The following SPOCK3 variants were observed in gnomAD, a reference collection of about 807,000 sequenced individuals.
The protein encoded by SPOCK3 is SPARC (osteonectin), cwcv and kazal like domains proteoglycan 3.
SPOCK3 carries 30 observed loss-of-function variants against 56.6 expected under a neutral mutation model. The ratio of observed to expected loss-of-function variants is 0.53; its 90% CI spans 0.40 to 0.72. SPOCK3 has a LOEUF of 0.72. SPOCK3 is among the 30% of genes least tolerant of loss of function. The pLI is 0.00. For missense variants in SPOCK3, 527 were observed against 530.0 expected (o/e 0.99, Z 0.06); for synonymous variants, 196 against 183.3 (o/e 1.07, Z -0.56).
chr4:166,808,116 T>G (rs1039016083), intron 6 of SPOCK3, among the ~76,000 whole-genome samples: 2 of 152,178 alleles, frequency 1.3e-5, no homozygotes, highest in Non-Finnish European at 2.9e-5. Flanking sequence ...ATTCCTCTAG[T>G]AGGAGCAAGT....
chr4:167,115,800 C>G (rs1422362175), intron 2 of SPOCK3, among the ~76,000 whole-genome samples: 1 of 151,930 alleles, frequency 6.6e-6, no homozygotes, highest in Non-Finnish European at 1.5e-5. Flanking sequence ...TTGTTAATAA[C>G]AGAAGTTAAT....
chr4:166,753,630 G>A (rs1259489472), intron 8 of SPOCK3, among the ~76,000 whole-genome samples: 1 of 151,908 alleles, frequency 6.6e-6, no homozygotes, highest in Non-Finnish European at 1.5e-5. Flanking sequence ...ATCGAAGACT[G>A]GTAATCATTG....
At chr4:167,021,883 A>G (rs1478001778) in intron 3 of SPOCK3, among the ~76,000 whole-genome samples, 4 of 152,048 alleles carry the variant, frequency 2.6e-5, no homozygotes, top group Non-Finnish European at 4.4e-5. Context: ...CATTTTAACT[A>G]AAGGTTTTTG....
chr4:167,011,718 TGGC>T (rs1236528180), intron 3 of SPOCK3, among the ~76,000 whole-genome samples: 49 of 152,094 alleles, frequency 3.2e-4, no homozygotes, highest in African/African-American at 1.1e-3. Context: ...TCAGCAAATG[TGGC>T]TTTCTAACAA....
chr4:166,844,942 C>T (rs577788352), intron 6 of SPOCK3, among the ~76,000 whole-genome samples: 21 of 152,218 alleles, frequency 1.4e-4, no homozygotes, highest in African/African-American at 3.9e-4. Flanking sequence ...CTTACCTGTC[C>T]GTGGTTTTTT....
At chr4:166,767,025 G>C (rs1011502157) in intron 7 of SPOCK3, among the ~76,000 whole-genome samples, 3 of 152,048 alleles carry the variant, frequency 2.0e-5, no homozygotes, top group Non-Finnish European at 4.4e-5. Context: ...CTGTGGGATC[G>C]GTGGTGATAT....
At chr4:166,896,470 A>G (rs963974013) in intron 5 of SPOCK3, among the ~76,000 whole-genome samples, 3 of 152,160 alleles carry the variant, frequency 2.0e-5, no homozygotes, top group African/African-American at 7.2e-5. Flanking sequence ...ACCGAGGTGC[A>G]TGCTTAAGCA....
At chr4:167,096,387 T>C (rs1300305375) in intron 2 of SPOCK3, among the ~76,000 whole-genome samples, 1 of 151,958 alleles carries the variant, frequency 6.6e-6, no homozygotes, top group Non-Finnish European at 1.5e-5. Flanking sequence ...ACATAGATAT[T>C]CAGCATGATC....
intron 2 of SPOCK3, among the ~76,000 whole-genome samples, chr4:167,173,134 C>T (rs1421056660): frequency 6.6e-6 from 1 of 152,066 alleles, no homozygotes; most frequent in African/African-American, 2.4e-5. Context: ...TTACGACTTC[C>T]CACTTTCATT....
At chr4:167,118,015 G>A (rs1761574430) in intron 2 of SPOCK3, among the ~76,000 whole-genome samples, 1 of 152,192 alleles carries the variant, frequency 6.6e-6, no homozygotes, top group East Asian at 1.9e-4. Flanking sequence ...AAAATGTTTG[G>A]TATGCAGGAT....
At chr4:167,125,965 AAG>A (rs1301341546) in intron 2 of SPOCK3, among the ~76,000 whole-genome samples, 2 of 152,176 alleles carry the variant, frequency 1.3e-5, no homozygotes, top group African/African-American at 4.8e-5. Flanking sequence ...CTTTCTCTTC[AAG>A]AGCACAATCC....
intron 4 of SPOCK3, among the ~76,000 whole-genome samples, chr4:166,954,815 C>A (rs1743188102): frequency 6.6e-6 from 1 of 152,162 alleles, no homozygotes; most frequent in Admixed American, 6.6e-5. Context: ...CATGAAACTC[C>A]ATCCCCCACC....
intron 3 of SPOCK3, among the ~76,000 whole-genome samples, chr4:167,011,654 G>C (rs1750079779): frequency 6.6e-6 from 1 of 152,054 alleles, no homozygotes; most frequent in African/African-American, 2.4e-5. Flanking sequence ...AGAATAGTAA[G>C]CCTTGAGCTT....
intron 2 of SPOCK3, among the ~76,000 whole-genome samples, chr4:167,109,779 C>A (rs1239382126): frequency 6.6e-6 from 1 of 150,584 alleles, no homozygotes; most frequent in Non-Finnish European, 1.5e-5. Flanking sequence ...CAGAGAAAAA[C>A]CAAAATACTA....
At chr4:167,098,082 G>C (rs1759314870) in intron 2 of SPOCK3, among the ~76,000 whole-genome samples, 1 of 151,944 alleles carries the variant, frequency 6.6e-6, no homozygotes, top group Non-Finnish European at 1.5e-5. Flanking sequence ...AAAACCTAGA[G>C]TATCTATTAG....
chr4:167,032,624 A>C, intron 3 of SPOCK3, among the ~76,000 whole-genome samples: 1 of 151,946 alleles, frequency 6.6e-6, no homozygotes, highest in Non-Finnish European at 1.5e-5. Context: ...AGTATGCAGA[A>C]CATACATGTG....
At chr4:166,868,694 G>A (rs946818653) in intron 6 of SPOCK3, among the ~76,000 whole-genome samples, 4 of 151,934 alleles carry the variant, frequency 2.6e-5, no homozygotes, top group Non-Finnish European at 4.4e-5. Flanking sequence ...AAGAAGAAAA[G>A]GACAACATTG....
At chr4:166,751,482 A>G (rs1286599388) in intron 8 of SPOCK3, among the ~76,000 whole-genome samples, 6 of 152,204 alleles carry the variant, frequency 3.9e-5, no homozygotes, top group African/African-American at 1.4e-4. Flanking sequence ...AAGTAGAATT[A>G]CAAATATTTG....
At chr4:167,186,255 A>T (rs1180918769) in intron 2 of SPOCK3, among the ~76,000 whole-genome samples, 2 of 152,212 alleles carry the variant, frequency 1.3e-5, no homozygotes, top group African/African-American at 4.8e-5. Flanking sequence ...AGAAAAATCT[A>T]AAAAAATTAT....
Sources: allele counts gnomAD v4.1 joint callset (sites outside exome capture counted in the v4.1 genomes callset), GRCh38; gene constraint gnomAD v4.1.1; transcripts MANE v1.5; gene names NCBI Gene and HGNC (gene_info 2026-07-23, HGNC 2026-07-21).